The following MRNIP variants were observed in gnomAD, a reference collection of about 807,000 sequenced individuals.
MRNIP encodes the protein MRN complex-interacting protein.
Under a neutral mutation model 29.8 loss-of-function variants are expected in MRNIP, and 30 were observed. The observed-to-expected ratio is 1.01, with a 90% CI of 0.75 to 1.36. The LOEUF is 1.36. MRNIP is among the 40% of genes most tolerant of loss of function. The probability of loss-of-function intolerance (pLI) is 0.00; values close to 1 mark genes in which losing one functional copy is unlikely to be tolerated. For synonymous variants in MRNIP, 201 were observed against 164.1 expected, an observed-to-expected ratio of 1.23 and a Z score of -1.72; for missense variants, 459 against 423.5, an observed-to-expected ratio of 1.08 and a Z score of -0.74.
At position 179,843,045 on chromosome 5, in the gene MRNIP, G is replaced by GAGGAAAGAAGAGGAAA. The variant is rs57258808; in HGVS notation, c.292-982_292-981insTTTCCTCTTCTTTCCT. On this transcript the variant is annotated intron_variant, in intron 4 of 6. Transcript: ENST00000292586. ...AGACTCTGTCGAAAGGAGGAAAGAAGGAAGGAAGGAAGGAAGGGAGGGAGG... is the reference window on the plus strand; with the variant it reads ...AGACTCTGTCGAAAGGAGGAAAGAAGAGGAAAGAAGAGGAAAGAAGGAAGGAAGGAAGGGAGGGAGG... Among the ~76,000 whole-genome samples, 5 of 109,822 alleles carry GAGGAAAGAAGAGGAAA rather than the reference G, an allele frequency of 4.6e-5. No individual in the cohort carries two copies. In the East Asian group the frequency reaches 1.1e-3, roughly 23 times the overall value. The allele number at this position is 109,822 out of a possible 152,430, so 72.0% of individuals were successfully genotyped here.
In MRNIP at chr5:179,837,382, A is replaced by C; in HGVS notation, c.*9T>G. On this transcript the variant is annotated 3_prime_UTR_variant, in exon 7 of 7. Coordinates refer to ENST00000292586, the MANE Select transcript of MRNIP (RefSeq NM_016175.4). ...AGTGTATCTCGATTAATAACCTGCCAGTCCCAGATCACACATCATCATCGA... is the reference window on the plus strand; with the variant it reads ...AGTGTATCTCGATTAATAACCTGCCCGTCCCAGATCACACATCATCATCGA... 1 of 1,584,604 alleles carries C rather than the reference A, an allele frequency of 6.3e-7. No individual in the cohort carries two copies.
chr5:179,858,340 G>A (rs572851914), intron 1 of MRNIP, among the ~76,000 whole-genome samples: 3 of 152,202 alleles, frequency 2.0e-5, no homozygotes, highest in African/African-American at 4.8e-5. Flanking sequence ...GGGCGACGGA[G>A]AGGGCGCCCA....
chr5:179,843,478 G>A (rs1758998700), intron 4 of MRNIP, among the ~76,000 whole-genome samples: 1 of 152,212 alleles, frequency 6.6e-6, no homozygotes, highest in Non-Finnish European at 1.5e-5. Context: ...AGTGGTTCAT[G>A]CCTGTAATCC....
chr5:179,854,351 A>G (rs1458124460), intron 1 of MRNIP, among the ~76,000 whole-genome samples: 2 of 152,242 alleles, frequency 1.3e-5, no homozygotes, highest in East Asian at 3.8e-4. Context: ...AACTGATGGA[A>G]GGAGTCCAGA....
chr5:179,841,458 C>T, intron 5 of MRNIP: 1 of 175,598 alleles, frequency 5.7e-6, no homozygotes, highest in East Asian at 1.7e-4. Flanking sequence ...CAGAATCTAC[C>T]TCCTGAAAGC....
Position 179,837,672 on chromosome 5 carries a change from G to A in MRNIP, c.751C>T (p.Gln251Ter), listed in dbSNP as rs750678816. Residue 251 changes from glutamine (Q) to a stop codon, truncating the protein, a stop_gained, in exon 7 of 7, where the codon CAG becomes TAG. Transcript: ENST00000292586. LOFTEE classifies it low-confidence loss of function (END_TRUNC). ...GGACCAGCTGGCCTGGGGTCCCTCT[G>A]AAGAGACCTTGGCTGCTCACTGTCC... ...HVDSEQPRSL[Q>*]RDPRPAGPAQ... 18 of 1,614,116 alleles carry A rather than the reference G, an allele frequency of 1.1e-5. No individual in the cohort carries two copies. The highest frequency in any genetic ancestry group is 1.7e-5 in the Admixed American group (1 of 60,012).
At position 179,837,843 on chromosome 5, in the gene MRNIP, G is replaced by A. The variant is rs763168668; in HGVS notation, c.580C>T (p.Pro194Ser). 1.2e-6 allele frequency: 2 copies of A among 1,611,540 alleles called. No homozygotes were observed. The highest frequency in any genetic ancestry group is 2.2e-5 in the East Asian group (1 of 44,884). Residue 194 changes from proline to serine, a missense_variant, in exon 7 of 7, where the codon CCC (proline) becomes TCC (serine). By Grantham distance (74) the Pro-to-Ser change is moderately conservative (BLOSUM62 -1). Coordinates refer to ENST00000292586, the MANE Select transcript of MRNIP (RefSeq NM_016175.4). Reference protein sequence around the residue: ...LTWKVKQGSSPCLQENSADCS... With the variant: ...LTWKVKQGSSSCLQENSADCS... Reference sequence around the variant, plus strand: ...TCTGCAGAGTTCTCCTGGAGGCAGGGGCTGCTGCCTTGTTTCACCTTCCAT... The same window carrying A: ...TCTGCAGAGTTCTCCTGGAGGCAGGAGCTGCTGCCTTGTTTCACCTTCCAT...
chr5:179,840,713 A>G (rs1434099267), intron 6 of MRNIP, 159 bp downstream of exon 6: 1 of 647,558 alleles, frequency 1.5e-6, no homozygotes, highest in Non-Finnish European at 2.8e-6. Flanking sequence ...AGACCCGAGG[A>G]AGGAGTTGGC....
In MRNIP at chr5:179,839,372, G is replaced by A. The variant is rs965755971; in HGVS notation, c.538-1487C>T. 5 of 152,194 alleles carry A rather than the reference G, an allele frequency of 3.3e-5. No homozygotes were observed. In the East Asian group the frequency reaches 7.7e-4, roughly 23 times the overall value. 9.4% of individuals were successfully genotyped at this position (152,194 alleles called of 1,614,324 possible). On this transcript the variant is annotated intron_variant, in intron 6 of 6. Coordinates refer to ENST00000292586, the MANE Select transcript of MRNIP (RefSeq NM_016175.4). The stretch of plus-strand genomic sequence containing the variant: ...CCAGGCAGTACAGAAGAGGCTCTGC[G>A]GCCCTGAAACTTGACGTTGGCTTTG...
At chr5:179,839,272 A>G (rs1162866342) in intron 6 of MRNIP, 3 of 149,990 alleles carry the variant, frequency 2.0e-5, no homozygotes, top group African/African-American at 7.4e-5. Flanking sequence ...AAAAAACAAC[A>G]GTTGGGTTGT....
intron 6 of MRNIP, chr5:179,838,192 T>C: frequency 2.3e-6 from 1 of 438,828 alleles, no homozygotes; most frequent in Non-Finnish European, 4.1e-6. Flanking sequence ...CAAAAGAATT[T>C]TGAGCAGAAG....
At chr5:179,851,895 G>A (rs749201983) in intron 2 of MRNIP, among the ~76,000 whole-genome samples, 12 of 151,252 alleles carry the variant, frequency 7.9e-5, no homozygotes, top group South Asian at 2.1e-4. Flanking sequence ...GGAGAATGGC[G>A]TAAACCCAGG....
rs747619918 is a variant in MRNIP at position 179,837,422 on chromosome 5, A to G, written c.1001T>C (p.Ile334Thr). ...ATCATCATCGAAGTCTTCCCCAGTT[A>G]TAAAGAGGTCACATAGTCGTGTGGG... Reference protein sequence around the residue: ...PRPTRLCDLFITGEDFDDDV With the variant: ...PRPTRLCDLFTTGEDFDDDV The change falls in exon 7 of 7, where the codon ATA becomes ACA. Residue 334 changes from isoleucine (I) to threonine (T), a missense_variant. Transcript: ENST00000292586. The G allele has an allele frequency of 1.9e-6, 3 of 1,603,578 alleles. No individual in the cohort carries two copies. Among genetic ancestry groups the G allele is most frequent in the Admixed American group, 3.4e-5 (2 of 58,708 alleles).
chr5:179,846,820 G>A (rs748197), intron 3 of MRNIP, among the ~76,000 whole-genome samples: 63,195 of 151,920 alleles, frequency 0.42, 14,560 homozygotes, highest in East Asian at 0.78. Context: ...TTGCAGAGTG[G>A]ATCTAGTTCA....
chr5:179,837,361 T>G lies in MRNIP; in HGVS notation c.*30A>C, dbSNP rs759005945. 3.8e-6 allele frequency: 6 copies of G among 1,581,234 alleles called. No individual in the cohort carries two copies. On this transcript the variant is annotated 3_prime_UTR_variant, in exon 7 of 7. Transcript: ENST00000292586. The stretch of plus-strand genomic sequence containing the variant: ...GGAACCCTGTCCCTCCTAACAAGTG[T>G]ATCTCGATTAATAACCTGCCAGTCC...
At chr5:179,852,750 G>C (rs1759422075) in intron 2 of MRNIP, among the ~76,000 whole-genome samples, 1 of 152,188 alleles carries the variant, frequency 6.6e-6, no homozygotes, top group South Asian at 2.1e-4. Context: ...GGCTGGAGCA[G>C]GAAAAGAGCA....
intron 6 of MRNIP, chr5:179,839,831 G>GACAGAGTGAGACC (rs1758800080): frequency 6.6e-6 from 1 of 152,370 alleles, no homozygotes; most frequent in African/African-American, 2.4e-5. Flanking sequence ...TGGACTGGAA[G>GACAGAGTGAGACC]CTTCAAGAAC....
chr5:179,846,205 G>A, intron 3 of MRNIP: 1 of 151,858 alleles, frequency 6.6e-6, no homozygotes, highest in Non-Finnish European at 1.5e-5. Context: ...TGCTCCTGGT[G>A]GTGTATTTCC....
chr5:179,843,041 AGAAG>A (rs575675053), intron 4 of MRNIP, among the ~76,000 whole-genome samples: 5,464 of 106,140 alleles, frequency 0.051, 159 homozygotes, highest in African/African-American at 0.12. Context: ...AAAGGAGGAA[AGAAG>A]GAAGGAAGGA....
Sources: gnomAD v4.1 joint callset for allele counts (sites outside exome capture counted in the v4.1 genomes callset) on GRCh38, gnomAD v4.1.1 for gene constraint, MANE v1.5 for transcripts, NCBI Gene and HGNC (gene_info 2026-07-23, HGNC 2026-07-21) for gene names.